The following KANSL1 variants were observed in gnomAD, a reference collection of about 807,000 sequenced individuals.
The protein encoded by KANSL1 is MLL1/MLL complex subunit KANSL1.
In KANSL1, 22 loss-of-function variants were observed where a neutral mutation model predicts 103.6. That is an observed-to-expected ratio of 0.21 (90% confidence interval 0.15 to 0.30). The LOEUF is 0.30. Ranked by LOEUF, KANSL1 falls within the 10% of genes least tolerant of loss-of-function variation. KANSL1 has a pLI of 1.00. For synonymous variants in KANSL1, 600 were observed against 527.6 expected, an observed-to-expected ratio of 1.14 and a Z score of -1.88; for missense variants, 1,337 against 1,399.8, an observed-to-expected ratio of 0.96 and a Z score of 0.72.
chr17:46,210,304 C>T (rs1306940798), intron 1 of KANSL1, among the ~76,000 whole-genome samples: 1 of 151,982 alleles, frequency 6.6e-6, no homozygotes, highest in Admixed American at 6.6e-5. Context: ...GAAACCCCAA[C>T]TCTACTAAAA....
chr17:46,092,645 T>C (rs548165234), intron 3 of KANSL1, among the ~76,000 whole-genome samples: 13 of 149,844 alleles, frequency 8.7e-5, no homozygotes, highest in African/African-American at 3.2e-4. Flanking sequence ...AAATTACTTA[T>C]GTGCTAGGAA....
intron 4 of KANSL1, among the ~76,000 whole-genome samples, chr17:46,067,953 AAGAGAGAG>A (rs144435729): frequency 6.6e-6 from 1 of 151,644 alleles, no homozygotes; most frequent in Admixed American, 6.6e-5. Flanking sequence ...TCTAATTAAA[AAGAGAGAG>A]AGAGAGGTTG....
chr17:46,167,151 A>G (rs2046045441), intron 2 of KANSL1, among the ~76,000 whole-genome samples: 1 of 151,780 alleles, frequency 6.6e-6, no homozygotes, highest in Non-Finnish European at 1.5e-5. Flanking sequence ...GAATTTCTGG[A>G]AAAAAAATAT....
chr17:46,204,688 T>C (rs940397860), intron 1 of KANSL1, among the ~76,000 whole-genome samples: 1 of 152,200 alleles, frequency 6.6e-6, no homozygotes, highest in Non-Finnish European at 1.5e-5. Flanking sequence ...TGAATACAGA[T>C]GTAAAAGTCC....
chr17:46,160,883 T>G (rs1276345595), intron 2 of KANSL1, among the ~76,000 whole-genome samples: 1 of 152,232 alleles, frequency 6.6e-6, no homozygotes, highest in African/African-American at 2.4e-5. Context: ...AGAGCCTAGA[T>G]TATTATCTTG....
intron 1 of KANSL1, among the ~76,000 whole-genome samples, chr17:46,181,155 A>G (rs1397174539): frequency 1.3e-5 from 2 of 152,244 alleles, no homozygotes; most frequent in Non-Finnish European, 2.9e-5. Flanking sequence ...AAGGCCAAAT[A>G]TATGACAAAC....
intron 2 of KANSL1, among the ~76,000 whole-genome samples, chr17:46,108,109 G>A (rs1293004568): frequency 6.6e-6 from 1 of 152,170 alleles, no homozygotes; most frequent in Non-Finnish European, 1.5e-5. Context: ...AAAAGGATAA[G>A]TTCGATCATG....
chr17:46,127,567 A>T (rs2147245822), intron 2 of KANSL1, among the ~76,000 whole-genome samples: 1 of 152,324 alleles, frequency 6.6e-6, no homozygotes, highest in East Asian at 1.9e-4. Flanking sequence ...TCAGCACAAG[A>T]GTCTGAGACC....
At chr17:46,093,766 G>C (rs1186141528) in intron 3 of KANSL1, 1 of 152,032 alleles carries the variant, frequency 6.6e-6, no homozygotes, top group Admixed American at 6.6e-5. Context: ...TCTAGACATG[G>C]GTCTACATAA....
chr17:46,075,371 C>T (rs1392830680), intron 4 of KANSL1, among the ~76,000 whole-genome samples: 1 of 112,774 alleles, frequency 8.9e-6, no homozygotes, highest in African/African-American at 2.6e-5. Flanking sequence ...CACAATCTCG[C>T]TGTTGACCAG....
intron 1 of KANSL1, among the ~76,000 whole-genome samples, chr17:46,201,515 TTCTGATGGTTCTC>T (rs1208001661): frequency 1.3e-5 from 2 of 152,236 alleles, no homozygotes; most frequent in African/African-American, 4.8e-5. Context: ...ACACCTTTGC[TTCTGATGGTTCTC>T]TGAACCATCA....
chr17:46,145,620 T>C (rs2063292164), intron 2 of KANSL1, among the ~76,000 whole-genome samples: 1 of 152,224 alleles, frequency 6.6e-6, no homozygotes, highest in Non-Finnish European at 1.5e-5. Context: ...CCAAAAAGGA[T>C]TGTCAAGCTA....
chr17:46,199,139 C>A (rs1378973836), intron 1 of KANSL1, among the ~76,000 whole-genome samples: 5 of 152,162 alleles, frequency 3.3e-5, no homozygotes, highest in Non-Finnish European at 7.3e-5. Context: ...TATGTTCAGC[C>A]GCCACATTTT....
chr17:46,153,670 T>C (rs2045253327), intron 2 of KANSL1, among the ~76,000 whole-genome samples: 2 of 152,232 alleles, frequency 1.3e-5, no homozygotes, highest in African/African-American at 4.8e-5. Flanking sequence ...CCAGGTCATT[T>C]ATACACTAGA....
In KANSL1 at chr17:46,189,968, A is replaced by AT. The variant is rs531488045; in HGVS notation, c.-90+2854_-90+2855insA. 4.9e-4 allele frequency among the ~76,000 whole-genome samples: 74 copies of AT among 152,228 alleles called. 1 individual carries two copies. Among genetic ancestry groups the AT allele is most frequent in the African/African-American group, 1.7e-3 (72 of 41,520 alleles). On this transcript the variant is annotated intron_variant, in intron 1 of 14. Coordinates refer to ENST00000432791, the MANE Select transcript of KANSL1 (RefSeq NM_015443.4). ...ACAAGGTAACTAAGCTTTACTCGCA[A>AT]AGGGGCCTAATCAGAACCTCTCAAT...
At chr17:46,069,429 T>G (rs565230900) in intron 4 of KANSL1, among the ~76,000 whole-genome samples, 11 of 152,294 alleles carry the variant, frequency 7.2e-5, no homozygotes, top group African/African-American at 2.4e-4. Flanking sequence ...AACCTGAAAG[T>G]AGTCCTAGAC....
chr17:46,075,144 G>T (rs1185107067), intron 4 of KANSL1, among the ~76,000 whole-genome samples: 1 of 152,168 alleles, frequency 6.6e-6, no homozygotes, highest in Non-Finnish European at 1.5e-5. Context: ...ATAGATTCTG[G>T]ACAACAGAAA....
chr17:46,141,300 TC>T (rs2044408240), intron 2 of KANSL1, among the ~76,000 whole-genome samples: 1 of 152,176 alleles, frequency 6.6e-6, no homozygotes, highest in South Asian at 2.1e-4. Context: ...TCAGAGGCTA[TC>T]CCACAGAGCA....
chr17:46,187,384 A>T (rs990686151), intron 1 of KANSL1, among the ~76,000 whole-genome samples: 2 of 152,280 alleles, frequency 1.3e-5, no homozygotes, highest in Non-Finnish European at 1.5e-5. Context: ...AAATAAGAGC[A>T]GAATCTGCTG....
Sources: gnomAD v4.1 joint callset for allele counts (sites outside exome capture counted in the v4.1 genomes callset) on GRCh38, gnomAD v4.1.1 for gene constraint, MANE v1.5 for transcripts, NCBI Gene and HGNC (gene_info 2026-07-23, HGNC 2026-07-21) for gene names.